Variants in NDUFS2 observed in about 807,000 individuals in gnomAD.
The protein encoded by NDUFS2 is NADH dehydrogenase [ubiquinone] iron-sulfur protein 2, mitochondrial.
In NDUFS2, 38 loss-of-function variants were observed where a neutral mutation model predicts 69.6. The ratio of observed to expected loss-of-function variants is 0.55; its 90% CI spans 0.42 to 0.72. The LOEUF (loss-of-function observed/expected upper bound fraction) is 0.72. NDUFS2 is among the 30% of genes least tolerant of loss of function. The probability of loss-of-function intolerance (pLI) is 0.00; values close to 1 mark genes in which losing one functional copy is unlikely to be tolerated. For missense variants in NDUFS2, 468 were observed against 595.0 expected, an observed-to-expected ratio of 0.79 and a Z score of 2.22; for synonymous variants, 194 against 211.2, an observed-to-expected ratio of 0.92 and a Z score of 0.70.
Position 161,213,701 on chromosome 1 carries a change from GCAAGATCAA to G in NDUFS2, c.1266_1274del (p.Cys422_Lys425delinsTrp). ...GATGGCAGCAGCCGCCCTTATCGAT[GCAAGATCAA>G]GGCTCCTGGTTTTGCCCATCTGGTA... On this transcript the variant is annotated inframe_deletion, in exon 12 of 14. Coordinates refer to ENST00000676972, the MANE Select transcript of NDUFS2 (RefSeq NM_001377299.1). The G allele has an allele frequency of 6.2e-7, 1 of 1,614,190 alleles. No homozygotes were observed. Among genetic ancestry groups the G allele is most frequent in the Non-Finnish European group, 8.5e-7 (1 of 1,180,040 alleles).
upstream of NDUFS2, chr1:161,199,115 C>T (rs1443233709): frequency 6.5e-6 from 1 of 154,092 alleles, no homozygotes; most frequent in Non-Finnish European, 1.4e-5. Context: ...ATTGGCTGAT[C>T]TCTAAGCCAC....
intron 10 of NDUFS2, chr1:161,213,007 C>T (rs533743227): frequency 5.9e-5 from 19 of 319,424 alleles, no homozygotes; most frequent in African/African-American, 2.2e-4. Context: ...TGGGTTCAAG[C>T]GATTCTCCTG....
Position 161,210,334 on chromosome 1 carries a change from C to G in NDUFS2, c.811C>G (p.Arg271Gly). 6.2e-7 allele frequency: 1 copy of G among 1,613,990 alleles called. No individual in the cohort carries two copies. The highest frequency in any genetic ancestry group is 1.1e-5 in the South Asian group (1 of 91,084). Residue 271 changes from arginine (R) to glycine (G), a missense_variant, in exon 8 of 14, where the codon CGG (arginine) becomes GGG (glycine). Physicochemically the swap from Arg to Gly is moderately radical, Grantham distance 125. Around this residue, in one of 3 missense-constraint regions of NDUFS2, gnomAD observed 339 missense variants for 433.8 expected, o/e 0.78. Coordinates refer to ENST00000676972, the MANE Select transcript of NDUFS2 (RefSeq NM_001377299.1). ...GACCAACAATAGGATCTGGCGAAAT[C>G]GGACAATTGACATTGGGGTTGTAAC... Reference protein sequence around the residue: ...LLTNNRIWRNRTIDIGVVTAE... With the variant: ...LLTNNRIWRNGTIDIGVVTAE...
chr1:161,203,673 G>A, intron 2 of NDUFS2, 130 bp downstream of exon 2: 1 of 804,688 alleles, frequency 1.2e-6, no homozygotes. Context: ...GTGGCTCACT[G>A]TAGCCTTGAA....
chr1:161,204,948 G>C (rs916683585), intron 2 of NDUFS2, among the ~76,000 whole-genome samples: 2 of 152,076 alleles, frequency 1.3e-5, no homozygotes, highest in African/African-American at 4.8e-5. Context: ...CTACTCAGGA[G>C]GCTGAGGCAG....
intron 3 of NDUFS2, among the ~76,000 whole-genome samples, chr1:161,207,887 A>C (rs767074909): frequency 1.1e-3 from 161 of 147,316 alleles, no homozygotes; most frequent in Non-Finnish European, 2.0e-3. Context: ...ATCTTGGCTC[A>C]CTGCAACCTC....
chr1:161,214,134 T>G, intron 13 of NDUFS2, 22 bp from the exon 14 acceptor site: 1 of 1,614,026 alleles, frequency 6.2e-7, no homozygotes, highest in Non-Finnish European at 8.5e-7. Context: ...ACATCACTTT[T>G]TTCCTCCATC....
chr1:161,209,724 C>G, intron 5 of NDUFS2, 129 bp downstream of exon 5: 1 of 1,268,698 alleles, frequency 7.9e-7, no homozygotes, highest in South Asian at 1.3e-5. Flanking sequence ...GTATGTTTAA[C>G]TTGGGTTATA....
intron 4 of NDUFS2, 78 bp downstream of exon 4, chr1:161,209,391 A>G (rs1381053448): frequency 6.2e-7 from 1 of 1,610,574 alleles, no homozygotes. Context: ...CGTTGAACCC[A>G]AGCTTAGTGT....
intron 3 of NDUFS2, among the ~76,000 whole-genome samples, chr1:161,207,658 C>T (rs1416958620): frequency 6.7e-6 from 1 of 149,346 alleles, no homozygotes; most frequent in Non-Finnish European, 1.5e-5. Flanking sequence ...ACCTGGGAGG[C>T]AGAGGTTGCA....
upstream of NDUFS2, chr1:161,199,579 G>T (rs940657644): frequency 1.3e-5 from 2 of 152,390 alleles, no homozygotes; most frequent in Non-Finnish European, 2.9e-5. Context: ...ACATGGCTCA[G>T]GATAGAACTG....
chr1:161,198,063 C>T (rs749313727), upstream of NDUFS2: 14 of 1,608,274 alleles, frequency 8.7e-6, no homozygotes, highest in East Asian at 2.2e-5. This position sits in a 1 kb window ranked among gnomAD's most constrained non-coding sequence, Gnocchi z 4.7. Context: ...GGACCTTGAC[C>T]GCTGGCAGGA....
chr1:161,202,040 A>T (rs1665153972), upstream of NDUFS2: 1 of 409,912 alleles, frequency 2.4e-6, no homozygotes, highest in Non-Finnish European at 4.6e-6. Context: ...GGAAGGGAGT[A>T]GGGAAGGAAG....
chr1:161,208,018 CTT>C (rs1665569027), intron 3 of NDUFS2, among the ~76,000 whole-genome samples: 1 of 115,486 alleles, frequency 8.7e-6, no homozygotes, highest in African/African-American at 3.5e-5. Context: ...GAGTTTCACT[CTT>C]GTTGCCCAGG....
chr1:161,198,185 G>C, upstream of NDUFS2: 2 of 1,614,040 alleles, frequency 1.2e-6, no homozygotes, highest in Non-Finnish European at 1.7e-6. This position sits in a 1 kb window ranked among gnomAD's most constrained non-coding sequence, Gnocchi z 4.7. Flanking sequence ...GCCTAACAGG[G>C]CTCCCCCATC....
At chr1:161,210,079 C>G (rs1337591545) in intron 6 of NDUFS2, 32 bp from the exon 7 acceptor site, 26 of 1,603,258 alleles carry the variant, frequency 1.6e-5, no homozygotes, top group Non-Finnish European at 2.2e-5. Context: ...AAGGCTATGC[C>G]ACATTCAGTA....
rs1386897960 is a variant in NDUFS2 at position 161,209,548 on chromosome 1, C to G, written c.580C>G (p.Leu194Val). The G allele has an allele frequency of 2.5e-6, 4 of 1,613,386 alleles. No individual in the cohort carries two copies. The highest frequency in any genetic ancestry group is 3.4e-6 in the Non-Finnish European group (4 of 1,180,010). The change falls in exon 5 of 14, where the codon CTT becomes GTT. Residue 194 changes from leucine (L) to valine (V), a missense_variant. Coordinates refer to ENST00000676972, the MANE Select transcript of NDUFS2 (RefSeq NM_001377299.1). ...GGCTGTGACCACACATGCCCTGGAC[C>G]TTGGGGCCATGACCCCTTTCTTCTG... Reference protein sequence around the residue: ...IMAVTTHALDLGAMTPFFWLF... With the variant: ...IMAVTTHALDVGAMTPFFWLF...
intron 9 of NDUFS2, among the ~76,000 whole-genome samples, chr1:161,211,100 C>T (rs999823994): frequency 6.6e-6 from 1 of 152,172 alleles, no homozygotes; most frequent in Non-Finnish European, 1.5e-5. Context: ...GTCTCAAGCT[C>T]CTGACCTCAG....
upstream of NDUFS2, chr1:161,198,146 TGGA>T (rs1323380062): frequency 2.5e-6 from 4 of 1,613,390 alleles, no homozygotes; most frequent in Non-Finnish European, 3.4e-6. This position sits in a 1 kb window ranked among gnomAD's most constrained non-coding sequence, Gnocchi z 4.7. Context: ...GGGCTGGAGG[TGGA>T]GTTCAGCCCC....
Sources: gnomAD v4.1 joint callset for allele counts (sites outside exome capture counted in the v4.1 genomes callset) on GRCh38, gnomAD v4.1.1 for gene constraint, gnomAD v4.1.1 regional missense constraint, Gnocchi (gnomAD v3.1) non-coding constraint, MANE v1.5 for transcripts, NCBI Gene and HGNC (gene_info 2026-07-23, HGNC 2026-07-21) for gene names.